The following SRSF4 variants were observed in gnomAD, a reference collection of about 807,000 sequenced individuals.
SRSF4 encodes serine/arginine-rich splicing factor 4.
In SRSF4, 12 loss-of-function variants were observed where a neutral mutation model predicts 48.8. That is an observed-to-expected ratio of 0.25 (90% CI 0.16 to 0.40). The LOEUF (loss-of-function observed/expected upper bound fraction) is 0.40. Ranked by LOEUF, SRSF4 falls within the 10% of genes least tolerant of loss-of-function variation. SRSF4 has a pLI of 1.00. For synonymous variants in SRSF4, 248 were observed against 232.5 expected (o/e 1.07, Z -0.61); for missense variants, 466 against 667.1 (o/e 0.70, Z 3.32).
At chr1:29,160,228 G>A in intron 2 of SRSF4, 147 bp downstream of exon 2, 1 of 937,026 alleles carries the variant, frequency 1.1e-6, no homozygotes, top group South Asian at 2.3e-5. Context: ...AGGCTTATTT[G>A]TAATTCTACA....
At chr1:29,152,433 A>T (rs1288000026) in intron 4 of SRSF4, among the ~76,000 whole-genome samples, 1 of 152,082 alleles carries the variant, frequency 6.6e-6, no homozygotes, top group Non-Finnish European at 1.5e-5. Flanking sequence ...TAAATAACAA[A>T]ACCTGAAAAG....
chr1:29,155,560 T>C (rs1401110075), intron 3 of SRSF4, among the ~76,000 whole-genome samples: 1 of 152,174 alleles, frequency 6.6e-6, no homozygotes, highest in Non-Finnish European at 1.5e-5. Context: ...TGATGTGACC[T>C]CGGCTCACTG....
At chr1:29,151,107 G>A (rs142764132) in intron 4 of SRSF4, among the ~76,000 whole-genome samples, 1,672 of 152,326 alleles carry the variant, frequency 0.011, 34 homozygotes, top group African/African-American at 0.038. Flanking sequence ...AAAGCAGGAA[G>A]TAGTACACAA....
At chr1:29,174,973 G>C (rs995249845) in intron 1 of SRSF4, among the ~76,000 whole-genome samples, 5 of 147,054 alleles carry the variant, frequency 3.4e-5, no homozygotes, top group African/African-American at 1.2e-4. Context: ...CAACTGGCCG[G>C]TGGGTTTTTT....
intron 1 of SRSF4, among the ~76,000 whole-genome samples, chr1:29,180,876 C>T (rs1672944569): frequency 6.6e-6 from 1 of 152,204 alleles, no homozygotes; most frequent in African/African-American, 2.4e-5. Flanking sequence ...ATTTCGTCTC[C>T]GTCTGCGTTA....
chr1:29,178,325 T>C (rs1041122071), intron 1 of SRSF4, among the ~76,000 whole-genome samples: 1 of 151,448 alleles, frequency 6.6e-6, no homozygotes, highest in East Asian at 2.0e-4. Context: ...ATCTAAAGCA[T>C]CCAAAATCTG....
rs1224844361 is a variant in SRSF4 at position 29,178,633 on chromosome 1, G to A, written c.107+3013C>T. On this transcript the variant is annotated intron_variant, in intron 1 of 5. Transcript: ENST00000373795. The stretch of plus-strand genomic sequence containing the variant: ...GGCCTCCCAAAGTGCTGGGATTACA[G>A]GCCACCGCGCCCGGCCTCTGAGTTT... Among the ~76,000 whole-genome samples, 3 of 152,078 alleles carry A rather than the reference G, an allele frequency of 2.0e-5. No homozygotes were observed. The South Asian group carries it at 6.2e-4, about 32-fold the overall frequency.
Position 29,156,019 on chromosome 1 carries a change from C to A in SRSF4, c.364-1109G>T, listed in dbSNP as rs116091072. 7.4e-3 allele frequency among the ~76,000 whole-genome samples: 1,128 copies of A among 152,166 alleles called. 5 individuals are homozygous for A. The highest frequency in any genetic ancestry group is 0.014 in the Non-Finnish European group (960 of 68,008). Reference sequence around the variant, plus strand: ...ACTGCACTCCAGCCTGCTGACAGAGCGGGACTCCATCTCAAAAAACAAAAC... The same window carrying A: ...ACTGCACTCCAGCCTGCTGACAGAGAGGGACTCCATCTCAAAAAACAAAAC... On this transcript the variant is annotated intron_variant, in intron 3 of 5. Coordinates refer to ENST00000373795, the MANE Select transcript of SRSF4 (RefSeq NM_005626.5).
intron 1 of SRSF4, among the ~76,000 whole-genome samples, chr1:29,174,212 GAA>G (rs35774688): frequency 2.1e-4 from 30 of 145,678 alleles, no homozygotes; most frequent in East Asian, 6.1e-4. Flanking sequence ...AAAGAAAAAA[GAA>G]AAAAAAAAAT....
rs139023153 is a variant in SRSF4 at position 29,149,030 on chromosome 1, G to A, written c.865C>T (p.Arg289Trp). 147 of 1,613,190 alleles carry A rather than the reference G, an allele frequency of 9.1e-5. No homozygotes were observed. The highest frequency in any genetic ancestry group is 1.7e-4 in the Admixed American group (10 of 59,944). The change falls in exon 6 of 6, where the codon CGG (arginine) becomes TGG (tryptophan). Residue 289 changes from arginine to tryptophan, a missense_variant. Around this residue, in one of 2 missense-constraint regions of SRSF4, gnomAD observed 402 missense variants for 437.0 expected, o/e 0.92. Coordinates refer to ENST00000373795, the MANE Select transcript of SRSF4 (RefSeq NM_005626.5). ...TTACTTTTATGCCTGCTAGGACTCC[G>A]GCTCTTGGGTTTCCCGACATTGTCA... is the stretch of plus-strand genomic sequence containing the variant. ...NNDNVGKPKS[R>W]SPSRHKSKSK... is the part of the protein sequence containing the mutation.
At chr1:29,176,435 G>A (rs899535277) in intron 1 of SRSF4, among the ~76,000 whole-genome samples, 4 of 150,512 alleles carry the variant, frequency 2.7e-5, no homozygotes, top group African/African-American at 9.8e-5. Flanking sequence ...ATACGGTAAC[G>A]ATGAATGACA....
intron 1 of SRSF4, among the ~76,000 whole-genome samples, chr1:29,168,013 T>C (rs1347720371): frequency 3.2e-5 from 1 of 31,580 alleles, no homozygotes; most frequent in Non-Finnish European, 1.2e-4. Flanking sequence ...TTCTAATTCC[T>C]TTTTTTTTTT....
chr1:29,160,277 CATCAATACGTTTAAATGTA>C, intron 2 of SRSF4, 79 bp downstream of exon 2: 1 of 1,344,260 alleles, frequency 7.4e-7, no homozygotes, highest in Non-Finnish European at 9.9e-7. Context: ...ATAGCTTAAA[CATCAATACGTTTAAATGTA>C]ATATCAATTA....
At chr1:29,180,630 T>C (rs1481434622) in intron 1 of SRSF4, among the ~76,000 whole-genome samples, 3 of 152,206 alleles carry the variant, frequency 2.0e-5, no homozygotes, top group African/African-American at 7.2e-5. Flanking sequence ...AAGAGTTCTC[T>C]AACACCCAAG....
rs555130365 is a variant in SRSF4, at chr1:29,148,467, G to C, written c.1428C>G (p.Ser476=). ...GGGAGGGCGATCTGGAAGCAGACCT[G>C]GATCTAGACTTGGACCGAGATCGGG... ...SKTRSRSKSR[S]RSASRSPSRS... is the part of the protein sequence containing the mutation. The change falls in exon 6 of 6, where the codon TCC becomes TCG. Residue 476 remains serine (S), a synonymous_variant. Coordinates refer to ENST00000373795, the MANE Select transcript of SRSF4 (RefSeq NM_005626.5). The C allele has an allele frequency of 1.2e-6, 2 of 1,613,494 alleles. No individual in the cohort carries two copies. The highest frequency in any genetic ancestry group is 2.2e-5 in the South Asian group (2 of 90,978).
chr1:29,154,649 T>C, intron 4 of SRSF4, 47 bp downstream of exon 4: 1 of 1,556,632 alleles, frequency 6.4e-7, no homozygotes, highest in Non-Finnish European at 8.8e-7. Context: ...ATGTGCTCAC[T>C]AATGAATTTA....
chr1:29,175,019 AGTGCGTGCGTG>A (rs1023074215), intron 1 of SRSF4, among the ~76,000 whole-genome samples: 8 of 151,700 alleles, frequency 5.3e-5, no homozygotes, highest in Admixed American at 6.6e-5. Flanking sequence ...AGAGAGACAG[AGTGCGTGCGTG>A]CACATGCCCA....
chr1:29,180,739 T>A (rs1272431728), intron 1 of SRSF4, among the ~76,000 whole-genome samples: 2 of 152,200 alleles, frequency 1.3e-5, no homozygotes, highest in African/African-American at 4.8e-5. Context: ...CCGTTGAGTA[T>A]TTTCTCCAGG....
At chr1:29,151,510 A>C (rs1672407987) in intron 4 of SRSF4, among the ~76,000 whole-genome samples, 2 of 152,094 alleles carry the variant, frequency 1.3e-5, no homozygotes, top group Non-Finnish European at 1.5e-5. Flanking sequence ...CAAACAAAAA[A>C]ACCCAAACCT....
Sources: gnomAD v4.1 joint callset for allele counts (sites outside exome capture counted in the v4.1 genomes callset) on GRCh38, gnomAD v4.1.1 for gene constraint, gnomAD v4.1.1 regional missense constraint, MANE v1.5 for transcripts, NCBI Gene and HGNC (gene_info 2026-07-23, HGNC 2026-07-21) for gene names.